The following CLIP4 variants were observed in gnomAD, a reference collection of about 807,000 sequenced individuals.
The protein encoded by CLIP4 is CAP-Gly domain containing linker protein family member 4.
CLIP4 carries 47 observed loss-of-function variants against 73.1 expected under a neutral mutation model. That is an observed-to-expected ratio of 0.64 (90% confidence interval 0.51 to 0.82). The LOEUF (loss-of-function observed/expected upper bound fraction) is 0.82. Ranked by LOEUF, CLIP4 falls within the 40% of genes least tolerant of loss-of-function variation. The pLI is 0.00. For missense variants in CLIP4, 874 were observed against 852.9 expected, an observed-to-expected ratio of 1.02 and a Z score of -0.31; for synonymous variants, 306 against 295.4, an observed-to-expected ratio of 1.04 and a Z score of -0.37.
At chr2:29,116,835 C>T (rs1364047230) in intron 1 of CLIP4, among the ~76,000 whole-genome samples, 2 of 152,164 alleles carry the variant, frequency 1.3e-5, no homozygotes, top group African/African-American at 4.8e-5. Context: ...TTGTAGGATT[C>T]ATTTCAGACA....
At chr2:29,154,235 G>C (rs928199981) in intron 9 of CLIP4, among the ~76,000 whole-genome samples, 7 of 152,180 alleles carry the variant, frequency 4.6e-5, no homozygotes, top group Non-Finnish European at 7.3e-5. Flanking sequence ...AATATAGACA[G>C]AAAGCTCCAA....
rs116468200 is a variant in CLIP4, at chr2:29,134,059, A to G, written c.529+243A>G. On this transcript the variant is annotated intron_variant, in intron 5 of 15. Coordinates refer to ENST00000320081, the MANE Select transcript of CLIP4 (RefSeq NM_024692.6). ...GTGTTCTCTGGGTTTTCATATCTCT[A>G]TAAGTTCTCCAGTATAACACGGATG... is the stretch of plus-strand genomic sequence containing the variant. Among the ~76,000 whole-genome samples the G allele has an allele frequency of 3.8e-3, 581 of 152,242 alleles. 2 individuals are homozygous for G. Among genetic ancestry groups the G allele is most frequent in the African/African-American group, 9.8e-3 (409 of 41,550 alleles).
intron 6 of CLIP4, among the ~76,000 whole-genome samples, chr2:29,141,315 G>A (rs1372096271): frequency 6.6e-6 from 1 of 152,142 alleles, no homozygotes; most frequent in Non-Finnish European, 1.5e-5. Flanking sequence ...GTTGGGTGGA[G>A]TATTCTTTAG....
intron 2 of CLIP4, among the ~76,000 whole-genome samples, chr2:29,124,164 TTTC>T (rs1436681812): frequency 6.6e-6 from 1 of 152,176 alleles, no homozygotes; most frequent in African/African-American, 2.4e-5. Flanking sequence ...TCCTGTAATG[TTTC>T]TTATGGTGCT....
intron 8 of CLIP4, among the ~76,000 whole-genome samples, chr2:29,147,843 TATGTA>T (rs1341709832): frequency 1.3e-5 from 2 of 152,170 alleles, no homozygotes; most frequent in African/African-American, 4.8e-5. Context: ...TATACTTAAT[TATGTA>T]ATCCATTTGG....
In CLIP4 at chr2:29,163,882, C is replaced by T; in HGVS notation, c.1586C>T (p.Ser529Leu). 6.2e-7 allele frequency: 1 copy of T among 1,613,398 alleles called. No homozygotes were observed. ...LEKPHGKNDGSVGGVQYFSCS... is the reference protein window; with the variant it reads ...LEKPHGKNDGLVGGVQYFSCS... ...AAACCCCATGGCAAGAATGATGGTT[C>T]AGTTGGAGGTGTGCAGTATTTTAGC... is the stretch of plus-strand genomic sequence containing the variant. The change falls in exon 13 of 16, where the codon TCA (serine) becomes TTA (leucine). Residue 529 changes from serine (S) to leucine (L), a missense_variant. Transcript: ENST00000320081.
Position 29,181,641 on chromosome 2 carries a change from G to A in CLIP4, c.1866G>A (p.Lys622=), listed in dbSNP as rs1317362343. 6.2e-7 allele frequency: 1 copy of A among 1,614,184 alleles called. No individual in the cohort carries two copies. ...PTAGGIEGSV[K]LHEGSQVLLT... is the part of the protein sequence containing the mutation. ...CAGGTGGCATTGAAGGGAGCGTGAA[G>A]CTGCACGAGGGGTCTCAGGTCCTGC... Residue 622 remains lysine (K), a synonymous_variant, in exon 16 of 16, where the codon AAG becomes AAA. Coordinates refer to ENST00000320081, the MANE Select transcript of CLIP4 (RefSeq NM_024692.6).
intron 6 of CLIP4, 68 bp from the exon 7 acceptor site, chr2:29,143,641 G>C (rs1665938985): frequency 9.2e-7 from 1 of 1,088,212 alleles, no homozygotes; most frequent in Non-Finnish European, 1.4e-6. Context: ...TCTTCCAACA[G>C]AAATTTTATA....
At chr2:29,133,550 T>TAC in intron 4 of CLIP4, 105 bp from the exon 5 acceptor site, 1 of 1,005,720 alleles carries the variant, frequency 9.9e-7, no homozygotes, top group South Asian at 1.7e-5. Flanking sequence ...AGTGTGTCTA[T>TAC]ACAGTGCACT....
At chr2:29,169,331 GTGTGTGTGTGT>G (rs1667848953) in intron 14 of CLIP4, among the ~76,000 whole-genome samples, 1 of 37,774 alleles carries the variant, frequency 2.6e-5, no homozygotes, top group Non-Finnish European at 4.0e-5. Context: ...CTTTTTCACT[GTGTGTGTGTGT>G]GTGTGTGTGT....
intron 1 of CLIP4, among the ~76,000 whole-genome samples, chr2:29,105,225 AATAT>A (rs1668167347): frequency 6.6e-6 from 1 of 152,190 alleles, no homozygotes; most frequent in Admixed American, 6.5e-5. Flanking sequence ...GCACACATTA[AATAT>A]AAGAACTAAG....
chr2:29,143,184 G>A (rs1665891329), intron 6 of CLIP4, among the ~76,000 whole-genome samples: 1 of 152,220 alleles, frequency 6.6e-6, no homozygotes, highest in Admixed American at 6.5e-5. Context: ...GCTTTCTCAT[G>A]CCTCTGCGGG....
intron 1 of CLIP4, among the ~76,000 whole-genome samples, chr2:29,105,465 ACAGACTCCTCAGTCT>A (rs1440646594): frequency 2.0e-5 from 3 of 152,196 alleles, no homozygotes; most frequent in Admixed American, 1.3e-4. Flanking sequence ...AACCGTGCTG[ACAGACTCCTCAGTCT>A]TTCTCTCTTT....
intron 6 of CLIP4, among the ~76,000 whole-genome samples, chr2:29,140,437 C>T (rs946559717): frequency 9.2e-5 from 14 of 152,074 alleles, no homozygotes; most frequent in African/African-American, 3.4e-4. Flanking sequence ...GCATAGTATT[C>T]CATGGTGTGT....
chr2:29,170,833 G>A (rs1465997359), intron 14 of CLIP4, among the ~76,000 whole-genome samples: 2 of 151,920 alleles, frequency 1.3e-5, no homozygotes, highest in African/African-American at 2.4e-5. Context: ...CCAGTTGTTC[G>A]AGTATTAGGT....
Position 29,145,381 on chromosome 2 carries a change from T to C in CLIP4, c.1021+14T>C, listed in dbSNP as rs1329419995. The C allele has an allele frequency of 1.3e-6, 2 of 1,574,642 alleles. No individual in the cohort carries two copies. Among genetic ancestry groups the C allele is most frequent in the Non-Finnish European group, 1.7e-6 (2 of 1,154,460 alleles). On this transcript the variant is annotated intron_variant, in intron 8 of 15. Coordinates refer to ENST00000320081, the MANE Select transcript of CLIP4 (RefSeq NM_024692.6). ...CCCCCAAGTATGGTAAGGTTGATAT[T>C]ATTTAACTCGGTAAGAATTAATTAA...
intron 15 of CLIP4, among the ~76,000 whole-genome samples, chr2:29,177,097 T>C (rs1668388894): frequency 6.6e-6 from 1 of 152,062 alleles, no homozygotes; most frequent in African/African-American, 2.4e-5. Context: ...CTGTATGCTT[T>C]TCAGGAGTAT....
chr2:29,177,873 A>G (rs962977044), intron 15 of CLIP4, among the ~76,000 whole-genome samples: 1 of 152,194 alleles, frequency 6.6e-6, no homozygotes. Flanking sequence ...CAGAGCTCTC[A>G]AACATACCAT....
At chr2:29,157,108 G>A in intron 10 of CLIP4, 96 bp from the exon 11 acceptor site, 1 of 1,047,094 alleles carries the variant, frequency 9.6e-7, no homozygotes, top group Non-Finnish European at 1.5e-6. Flanking sequence ...AATTGAGGAA[G>A]TTAAATGAAG....
Sources: allele counts gnomAD v4.1 joint callset (sites outside exome capture counted in the v4.1 genomes callset), GRCh38; gene constraint gnomAD v4.1.1; transcripts MANE v1.5; gene names NCBI Gene and HGNC (gene_info 2026-07-23, HGNC 2026-07-21).